Variants in FSTL4 observed in about 807,000 individuals in gnomAD.
The protein encoded by FSTL4 is follistatin-related protein 4.
FSTL4 carries 28 observed loss-of-function variants against 78.2 expected under a neutral mutation model. The ratio of observed to expected loss-of-function variants is 0.36; its 90% CI spans 0.27 to 0.49. FSTL4 has a LOEUF of 0.49. Among genes scored for constraint, FSTL4 ranks in the 20% least tolerant of loss-of-function variants. The pLI is 0.98. For missense variants in FSTL4, 922 were observed against 1,084.9 expected (o/e 0.85, Z 2.11); for synonymous variants, 422 against 440.5 (o/e 0.96, Z 0.53).
chr5:133,199,929 A>T lies in FSTL4; in HGVS notation c.1827-132T>A, dbSNP rs1750268149. The T allele has an allele frequency of 1.7e-6, 1 of 604,440 alleles. No individual in the cohort carries two copies. The highest frequency in any genetic ancestry group is 3.0e-6 in the Non-Finnish European group (1 of 335,058). The allele number at this position is 604,440 out of a possible 1,614,324, so 37.4% of individuals were successfully genotyped here. A position where few individuals can be genotyped will look rare whatever the true frequency, so the allele number is the denominator to read the frequency against. On this transcript the variant is annotated intron_variant, in intron 15 of 15. Transcript: ENST00000265342. This position sits in a 1 kb window ranked among gnomAD's most constrained non-coding sequence, Gnocchi z 4.4. ...AGTGATCTAATAGCCTAGTAATAAG[A>T]TCTATCATTCTGCAGGGGATGTCTT...
intron 3 of FSTL4, among the ~76,000 whole-genome samples, chr5:133,404,078 G>T (rs1756299154): frequency 6.6e-6 from 1 of 152,216 alleles, no homozygotes; most frequent in African/African-American, 2.4e-5. Flanking sequence ...GAAATTGGCT[G>T]TCGGCAAATA....
chr5:133,628,934 C>G, the FSTL4 span, among the ~76,000 whole-genome samples: 1 of 119,388 alleles, frequency 8.4e-6, no homozygotes, highest in Non-Finnish European at 1.8e-5. Context: ...ACAGAGACAA[C>G]TTGACTTCCT....
intron 4 of FSTL4, among the ~76,000 whole-genome samples, chr5:133,375,546 C>T (rs2126947918): frequency 6.6e-6 from 1 of 151,874 alleles, no homozygotes; most frequent in South Asian, 2.1e-4. Context: ...ATGCTAGTTC[C>T]CCATTGTCAG....
chr5:133,625,540 A>G, the FSTL4 span, among the ~76,000 whole-genome samples: 2 of 150,330 alleles, frequency 1.3e-5, no homozygotes, highest in South Asian at 2.1e-4. Flanking sequence ...TTTGGTGTCA[A>G]TTTTATTGAT....
At chr5:133,599,712 T>C (rs1436657470) in intron 2 of FSTL4, among the ~76,000 whole-genome samples, 2 of 152,184 alleles carry the variant, frequency 1.3e-5, no homozygotes, top group African/African-American at 4.8e-5. Context: ...ATGCTGGTGC[T>C]GGAACACGAC....
intron 6 of FSTL4, among the ~76,000 whole-genome samples, chr5:133,309,832 C>T (rs901147728): frequency 1.8e-4 from 27 of 152,224 alleles, no homozygotes; most frequent in East Asian, 3.8e-4. Context: ...TACCCAAGGA[C>T]GCCAGCAAAA....
the FSTL4 span, among the ~76,000 whole-genome samples, chr5:133,765,673 G>A: frequency 3.3e-5 from 5 of 152,186 alleles, no homozygotes; most frequent in African/African-American, 4.8e-5. Flanking sequence ...AACAGAGGCC[G>A]AGCACAGTGG....
chr5:133,713,506 G>A, the FSTL4 span, among the ~76,000 whole-genome samples: 53,644 of 151,942 alleles, frequency 0.35, 10,646 homozygotes, highest in African/African-American at 0.54. Context: ...ATTGAAAGAG[G>A]GACAATAAAA....
At chr5:133,228,781 AGAAAC>A (rs1751406213) in intron 8 of FSTL4, among the ~76,000 whole-genome samples, 2 of 152,232 alleles carry the variant, frequency 1.3e-5, no homozygotes, top group Non-Finnish European at 1.5e-5. Context: ...TATAAAAAGA[AGAAAC>A]GACACCATTC....
rs549105583 is a variant in FSTL4, at chr5:133,333,049, C to T, written c.410-16397G>A. ...TCTCTCTCTCATGCACACACATACA[C>T]ACACACTCACTCACACTCTCACACA... On this transcript the variant is annotated intron_variant, in intron 4 of 15. Coordinates refer to ENST00000265342, the MANE Select transcript of FSTL4 (RefSeq NM_015082.2). Among the ~76,000 whole-genome samples, 7 of 152,296 alleles carry T rather than the reference C, an allele frequency of 4.6e-5. No individual in the cohort carries two copies. In the South Asian group the frequency reaches 1.4e-3, roughly 32 times the overall value.
At chr5:133,274,104 G>A (rs1752826434) in intron 6 of FSTL4, among the ~76,000 whole-genome samples, 1 of 152,242 alleles carries the variant, frequency 6.6e-6, no homozygotes, top group East Asian at 1.9e-4. Context: ...GGCCAGGGCG[G>A]TGGCTGGGGC....
chr5:133,279,640 C>T (rs935208172), intron 6 of FSTL4, among the ~76,000 whole-genome samples: 2 of 152,106 alleles, frequency 1.3e-5, no homozygotes, highest in African/African-American at 2.4e-5. Context: ...GGTGGAGGGG[C>T]CACAGGGCTG....
chr5:133,649,741 G>A, the FSTL4 span, among the ~76,000 whole-genome samples: 1 of 152,004 alleles, frequency 6.6e-6, no homozygotes, highest in Non-Finnish European at 1.5e-5. Context: ...AGTTCTTTGT[G>A]TATTTTGAAT....
intron 3 of FSTL4, among the ~76,000 whole-genome samples, chr5:133,434,384 C>G (rs1215155301): frequency 6.6e-6 from 1 of 152,206 alleles, no homozygotes; most frequent in Non-Finnish European, 1.5e-5. Context: ...AAATTGGAAT[C>G]TGGAAGTAGT....
At chr5:133,242,001 A>G (rs1241173731) in intron 7 of FSTL4, among the ~76,000 whole-genome samples, 1 of 152,156 alleles carries the variant, frequency 6.6e-6, no homozygotes, top group African/African-American at 2.4e-5. Flanking sequence ...AAACTCTTAC[A>G]CATTGTTGGA....
intron 4 of FSTL4, among the ~76,000 whole-genome samples, chr5:133,336,423 G>A (rs1429755039): frequency 1.3e-5 from 2 of 152,260 alleles, no homozygotes; most frequent in African/African-American, 4.8e-5. Context: ...ACAGCTGGCT[G>A]AGCGACTTCC....
In FSTL4 at chr5:133,564,871, G is replaced by T. The variant is rs56103817; in HGVS notation, c.160+2315C>A. Among the ~76,000 whole-genome samples, 801 of 152,268 alleles carry T rather than the reference G, an allele frequency of 5.3e-3. 7 individuals carry two copies. The highest frequency in any genetic ancestry group is 0.018 in the African/African-American group (765 of 41,554). ...TCCCACTATGATTTGGCTTGGACTC[G>T]ATTTCCACTGCTAACATTAGCCCCT... is the stretch of plus-strand genomic sequence containing the variant. On this transcript the variant is annotated intron_variant, in intron 3 of 15. Transcript: ENST00000265342.
At chr5:133,647,555 A>G in the FSTL4 span, among the ~76,000 whole-genome samples, 4 of 152,186 alleles carry the variant, frequency 2.6e-5, no homozygotes, top group Non-Finnish European at 5.9e-5. Context: ...CATCTGAAGA[A>G]TAATCTCCCA....
chr5:133,351,530 C>T (rs1437289145), intron 4 of FSTL4, among the ~76,000 whole-genome samples: 2 of 152,108 alleles, frequency 1.3e-5, no homozygotes, highest in African/African-American at 4.8e-5. Context: ...CTTTTTCTCT[C>T]TATGCTATAT....
Sources: allele counts gnomAD v4.1 joint callset (sites outside exome capture counted in the v4.1 genomes callset), GRCh38; gene constraint gnomAD v4.1.1; non-coding constraint Gnocchi (gnomAD v3.1); transcripts MANE v1.5; gene names NCBI Gene and HGNC (gene_info 2026-07-23, HGNC 2026-07-21).